The following HEMK2 variants were observed in gnomAD, a reference collection of about 807,000 sequenced individuals.
HEMK2 encodes the protein HemK methyltransferase 2, ETF1 glutamine and histone H4 lysine, also known as methyltransferase HEMK2.
the HEMK2 span, among the ~76,000 whole-genome samples, chr21:28,756,670 C>T: frequency 6.6e-6 from 1 of 152,168 alleles, no homozygotes; most frequent in East Asian, 1.9e-4. Flanking sequence ...GTCTACAAAC[C>T]AAGGCCTCTT....
the HEMK2 span, among the ~76,000 whole-genome samples, chr21:28,764,908 T>C: frequency 6.6e-6 from 1 of 152,088 alleles, no homozygotes; most frequent in African/African-American, 2.4e-5. Context: ...AGACATACTA[T>C]AAATTGTCCC....
chr21:28,808,088 G>A, the HEMK2 span, among the ~76,000 whole-genome samples: 16 of 152,200 alleles, frequency 1.1e-4, no homozygotes, highest in African/African-American at 3.6e-4. Flanking sequence ...TGAAGAGAGA[G>A]GAGACACAAG....
the HEMK2 span, among the ~76,000 whole-genome samples, chr21:28,740,181 C>A: frequency 6.6e-6 from 1 of 152,190 alleles, no homozygotes; most frequent in Non-Finnish European, 1.5e-5. Context: ...AATGGAAATT[C>A]TCTCTACTTA....
At chr21:28,649,325 G>A in the HEMK2 span, among the ~76,000 whole-genome samples, 2 of 152,318 alleles carry the variant, frequency 1.3e-5, no homozygotes, top group East Asian at 3.9e-4. Context: ...AGGGTGGAAA[G>A]GGGGCTCTCG....
chr21:28,829,951 A>T, the HEMK2 span, among the ~76,000 whole-genome samples: 1 of 152,142 alleles, frequency 6.6e-6, no homozygotes, highest in South Asian at 2.1e-4. Flanking sequence ...AACTCCCAAT[A>T]CGGAATCCTA....
the HEMK2 span, among the ~76,000 whole-genome samples, chr21:28,754,457 A>G: frequency 6.6e-6 from 1 of 152,226 alleles, no homozygotes; most frequent in African/African-American, 2.4e-5. Flanking sequence ...GAGGCTGATT[A>G]CAATGCCTAA....
chr21:28,858,500 G>A, the HEMK2 span, among the ~76,000 whole-genome samples: 1 of 151,806 alleles, frequency 6.6e-6, no homozygotes, highest in Admixed American at 6.6e-5. Context: ...ATCACATTTT[G>A]AGATACTATG....
the HEMK2 span, among the ~76,000 whole-genome samples, chr21:28,788,192 GTATATACGTATATATACGTATATATGTA>G: frequency 8.8e-6 from 1 of 113,066 alleles, no homozygotes; most frequent in African/African-American, 5.4e-5. Flanking sequence ...ACATATATAC[GTATATACGTATATATACGTATATATGTA>G]TATATACACG....
At chr21:28,606,486 T>C in the HEMK2 span, among the ~76,000 whole-genome samples, 1 of 151,946 alleles carries the variant, frequency 6.6e-6, no homozygotes, top group Non-Finnish European at 1.5e-5. Flanking sequence ...CAGTAGAAAA[T>C]AACTTTGGGG....
At chr21:28,702,232 T>C in the HEMK2 span, among the ~76,000 whole-genome samples, 1 of 151,600 alleles carries the variant, frequency 6.6e-6, no homozygotes, top group African/African-American at 2.4e-5. Flanking sequence ...AAAACCCAGA[T>C]GGTAACCTAG....
the HEMK2 span, among the ~76,000 whole-genome samples, chr21:28,745,483 C>T: frequency 6.6e-6 from 1 of 152,202 alleles, no homozygotes; most frequent in African/African-American, 2.4e-5. Flanking sequence ...TTAGAGGGCT[C>T]AGCTTTGACC....
the HEMK2 span, among the ~76,000 whole-genome samples, chr21:28,652,958 C>G: frequency 6.6e-6 from 1 of 152,098 alleles, no homozygotes; most frequent in Non-Finnish European, 1.5e-5. Context: ...TGGCATTGAC[C>G]CAAAAGTTAC....
chr21:28,661,525 T>A, the HEMK2 span, among the ~76,000 whole-genome samples: 1 of 152,118 alleles, frequency 6.6e-6, no homozygotes, highest in African/African-American at 2.4e-5. Context: ...TGTCTCTGTC[T>A]TAACATCAGC....
At chr21:28,859,906 ACTAT>A in the HEMK2 span, among the ~76,000 whole-genome samples, 1 of 152,222 alleles carries the variant, frequency 6.6e-6, no homozygotes, top group Non-Finnish European at 1.5e-5. Flanking sequence ...GAATAAATGA[ACTAT>A]CTGAGCTTCA....
At chr21:28,656,476 G>A in the HEMK2 span, among the ~76,000 whole-genome samples, 3 of 151,772 alleles carry the variant, frequency 2.0e-5, no homozygotes, top group Non-Finnish European at 4.4e-5. Flanking sequence ...TAAGAACATA[G>A]GGAAATACAG....
At chr21:28,729,927 T>C in the HEMK2 span, among the ~76,000 whole-genome samples, 1 of 152,154 alleles carries the variant, frequency 6.6e-6, no homozygotes, top group Non-Finnish European at 1.5e-5. Flanking sequence ...GAACAAACTG[T>C]CATCTTTACG....
chr21:28,580,508 T>A, the HEMK2 span, among the ~76,000 whole-genome samples: 1 of 145,346 alleles, frequency 6.9e-6, no homozygotes, highest in African/African-American at 2.5e-5. Flanking sequence ...TGGTGCACCA[T>A]CTCAGCCATT....
chr21:28,652,434 CCCTT>C, the HEMK2 span, among the ~76,000 whole-genome samples: 525 of 140,102 alleles, frequency 3.7e-3, 3 homozygotes, highest in African/African-American at 0.012. Context: ...TTTTCTTCCT[CCCTT>C]CCTTCCTTCC....
the HEMK2 span, among the ~76,000 whole-genome samples, chr21:28,810,270 G>A: frequency 3.3e-5 from 5 of 152,292 alleles, no homozygotes; most frequent in South Asian, 1.0e-3. Flanking sequence ...CAGGAAAACT[G>A]AAGCCACTCT....
Sources: gnomAD v4.1 joint callset for allele counts (sites outside exome capture counted in the v4.1 genomes callset) on GRCh38, gnomAD v4.1.1 for gene constraint, MANE v1.5 for transcripts, NCBI Gene and HGNC (gene_info 2026-07-23, HGNC 2026-07-21) for gene names.